The following MATCAP1 variants were observed in gnomAD, a reference collection of about 807,000 sequenced individuals.
MATCAP1 encodes microtubule associated tyrosine carboxypeptidase 1.
At chr16:67,176,891 G>A in the MATCAP1 span, 58 of 1,610,122 alleles carry the variant, frequency 3.6e-5, no homozygotes, top group Admixed American at 3.2e-4. This position sits in a 1 kb window ranked among gnomAD's most constrained non-coding sequence, Gnocchi z 4.3. Context: ...TGCCGGTAGC[G>A]TGCCAAGTCC....
the MATCAP1 span, chr16:67,179,236 C>A: frequency 7.1e-7 from 1 of 1,416,672 alleles, no homozygotes; most frequent in Non-Finnish European, 9.2e-7. The surrounding 1 kb of genome is among the most constrained non-coding windows in gnomAD (Gnocchi z 5.2). Context: ...GAGCCCAGAG[C>A]ATGGGCAGGC....
chr16:67,180,695 C>A, the MATCAP1 span: 1 of 1,013,850 alleles, frequency 9.9e-7, no homozygotes, highest in Non-Finnish European at 1.4e-6. Context: ...ATGTGGAGAC[C>A]AGCATGAGTG....
At chr16:67,179,732 C>T in the MATCAP1 span, 1 of 1,577,978 alleles carries the variant, frequency 6.3e-7, no homozygotes, top group South Asian at 1.1e-5. The surrounding 1 kb of genome is among the most constrained non-coding windows in gnomAD (Gnocchi z 5.2). Context: ...AGGGGTGGGT[C>T]AGGTGTGGAG....
chr16:67,180,250 G>T, the MATCAP1 span: 4 of 1,613,354 alleles, frequency 2.5e-6, no homozygotes, highest in Non-Finnish European at 3.4e-6. Context: ...TTAGCAATGT[G>T]AGGCAGGGAG....
the MATCAP1 span, chr16:67,179,971 C>A: frequency 6.2e-7 from 1 of 1,614,110 alleles, no homozygotes; most frequent in Non-Finnish European, 8.5e-7. The surrounding 1 kb of genome is among the most constrained non-coding windows in gnomAD (Gnocchi z 5.2). Context: ...GTACACGGGG[C>A]CACAGTGGCT....
chr16:67,181,717 C>T, the MATCAP1 span: 5 of 152,326 alleles, frequency 3.3e-5, no homozygotes, highest in Non-Finnish European at 5.9e-5. Context: ...CAAAACAAAA[C>T]CCTCACTAGA....
the MATCAP1 span, among the ~76,000 whole-genome samples, chr16:67,182,080 G>A: frequency 3.9e-5 from 6 of 152,038 alleles, no homozygotes; most frequent in Non-Finnish European, 2.9e-5. Context: ...GAGAAACCCC[G>A]TCTCTACTAA....
At chr16:67,182,534 C>G in the MATCAP1 span, among the ~76,000 whole-genome samples, 3 of 152,232 alleles carry the variant, frequency 2.0e-5, no homozygotes, top group Admixed American at 2.0e-4. Context: ...GAGATACTGT[C>G]TATTTGCCCA....
chr16:67,179,327 G>T, the MATCAP1 span: 2 of 1,512,910 alleles, frequency 1.3e-6, no homozygotes, highest in Non-Finnish European at 1.8e-6. The surrounding 1 kb of genome is among the most constrained non-coding windows in gnomAD (Gnocchi z 5.2). Flanking sequence ...GAGGGAAGGG[G>T]GAGAAACAAA....
At chr16:67,179,634 C>T in the MATCAP1 span, 154 of 1,516,236 alleles carry the variant, frequency 1.0e-4, no homozygotes, top group Admixed American at 1.9e-4. The surrounding 1 kb of genome is among the most constrained non-coding windows in gnomAD (Gnocchi z 5.2). Flanking sequence ...AATGATGCCA[C>T]AGGGCAGCGA....
the MATCAP1 span, chr16:67,183,804 C>G: frequency 1.7e-5 from 3 of 171,454 alleles, no homozygotes; most frequent in Non-Finnish European, 3.7e-5. Flanking sequence ...TCCGGGAGAT[C>G]AGGAAAGGTC....
chr16:67,178,899 G>A, the MATCAP1 span: 1 of 441,176 alleles, frequency 2.3e-6, no homozygotes, highest in African/African-American at 2.4e-5. Flanking sequence ...TGATGCCCCC[G>A]GTAAAAATCA....
the MATCAP1 span, among the ~76,000 whole-genome samples, chr16:67,182,616 C>T: frequency 6.6e-6 from 1 of 152,278 alleles, no homozygotes; most frequent in Non-Finnish European, 1.5e-5. Flanking sequence ...ACCACAGGCA[C>T]ATGCCATCAT....
the MATCAP1 span, among the ~76,000 whole-genome samples, chr16:67,177,347 TAC>T: frequency 6.6e-6 from 1 of 152,162 alleles, no homozygotes; most frequent in Non-Finnish European, 1.5e-5. Flanking sequence ...CCACCCTCTT[TAC>T]AGTCACCCAG....
chr16:67,182,915 G>A, the MATCAP1 span, among the ~76,000 whole-genome samples: 14 of 152,134 alleles, frequency 9.2e-5, no homozygotes, highest in African/African-American at 3.4e-4. Context: ...TGTATGATAG[G>A]TATATTTGAT....
chr16:67,180,196 T>C, the MATCAP1 span: 2 of 1,614,060 alleles, frequency 1.2e-6, no homozygotes, highest in South Asian at 1.1e-5. Flanking sequence ...GCCACCAACA[T>C]GCAGGGGCTC....
the MATCAP1 span, chr16:67,179,888 C>T: frequency 6.2e-7 from 1 of 1,614,182 alleles, no homozygotes; most frequent in Non-Finnish European, 8.5e-7. This position sits in a 1 kb window ranked among gnomAD's most constrained non-coding sequence, Gnocchi z 5.2. Context: ...GAGCAGCTGC[C>T]CCCCAGTGGC....
the MATCAP1 span, chr16:67,177,044 A>G: frequency 4.2e-5 from 58 of 1,385,056 alleles, no homozygotes; most frequent in Non-Finnish European, 5.4e-5. Flanking sequence ...GTCCCAGCCC[A>G]CTGCTTACAG....
chr16:67,183,571 A>T, the MATCAP1 span: 2 of 152,404 alleles, frequency 1.3e-5, no homozygotes, highest in African/African-American at 4.8e-5. Flanking sequence ...TAATGAATGA[A>T]GGATGGATGG....
Sources: gnomAD v4.1 joint callset for allele counts (sites outside exome capture counted in the v4.1 genomes callset) on GRCh38, gnomAD v4.1.1 for gene constraint, Gnocchi (gnomAD v3.1) non-coding constraint, MANE v1.5 for transcripts, NCBI Gene and HGNC (gene_info 2026-07-23, HGNC 2026-07-21) for gene names.